Variants in LMBRD1 observed in about 807,000 individuals in gnomAD.
LMBRD1 encodes the protein LMBR1 domain containing 1.
Under a neutral mutation model 74.8 loss-of-function variants are expected in LMBRD1, and 64 were observed. That is an observed-to-expected ratio of 0.86 (90% CI 0.70 to 1.05). The LOEUF (loss-of-function observed/expected upper bound fraction) is 1.05. Among genes scored for constraint, LMBRD1 ranks in the 50% least tolerant of loss-of-function variants. The pLI is 0.00. For synonymous variants in LMBRD1, 204 were observed against 216.3 expected (o/e 0.94, Z 0.50); for missense variants, 652 against 645.9 (o/e 1.01, Z -0.10).
intron 6 of LMBRD1, among the ~76,000 whole-genome samples, chr6:69,739,500 C>G (rs1767051418): frequency 6.6e-6 from 1 of 151,986 alleles, no homozygotes; most frequent in Admixed American, 6.5e-5. Flanking sequence ...AAAGGAACTA[C>G]TAATACAAAT....
At chr6:69,722,795 T>C (rs1336588042) in intron 7 of LMBRD1, among the ~76,000 whole-genome samples, 2 of 151,890 alleles carry the variant, frequency 1.3e-5, no homozygotes, top group African/African-American at 4.8e-5. Flanking sequence ...GATCGTAAAA[T>C]AACCAGAATA....
chr6:69,779,497 T>C (rs1375080806), intron 3 of LMBRD1, among the ~76,000 whole-genome samples: 1 of 152,118 alleles, frequency 6.6e-6, no homozygotes, highest in Non-Finnish European at 1.5e-5. Flanking sequence ...ACCATAAGTC[T>C]GGGATTAAAA....
chr6:69,765,163 T>A (rs903895814), intron 3 of LMBRD1, among the ~76,000 whole-genome samples: 1 of 152,062 alleles, frequency 6.6e-6, no homozygotes, highest in Non-Finnish European at 1.5e-5. Flanking sequence ...ACTCCTGACC[T>A]CAAGTGATCT....
chr6:69,771,879 A>G (rs1209764784), intron 3 of LMBRD1, among the ~76,000 whole-genome samples: 2 of 152,186 alleles, frequency 1.3e-5, no homozygotes, highest in Non-Finnish European at 2.9e-5. Flanking sequence ...TAGCTAGAAA[A>G]AAAAAAGGTA....
At chr6:69,713,221 G>A (rs1582077350) in intron 9 of LMBRD1, among the ~76,000 whole-genome samples, 1 of 151,918 alleles carries the variant, frequency 6.6e-6, no homozygotes, top group African/African-American at 2.4e-5. Flanking sequence ...AAATGAACAC[G>A]CCAACAGAAT....
At position 69,752,240 on chromosome 6, in the gene LMBRD1, C is replaced by G. The variant is rs978543962; in HGVS notation, c.405+19G>C. 4.4e-6 allele frequency: 7 copies of G among 1,603,482 alleles called. No individual in the cohort carries two copies. Among genetic ancestry groups the G allele is most frequent in the East Asian group, 4.5e-5 (2 of 44,574 alleles). On this transcript the variant is annotated intron_variant, in intron 4 of 15. Transcript: ENST00000649934. ...ATTTTTCTTTCCTAAACTAAGGCCTCTAAAATAAAGATACTTACAGTACAT... is the reference window on the plus strand; with the variant it reads ...ATTTTTCTTTCCTAAACTAAGGCCTGTAAAATAAAGATACTTACAGTACAT...
intron 9 of LMBRD1, among the ~76,000 whole-genome samples, chr6:69,704,735 A>G (rs1017208386): frequency 7.9e-5 from 12 of 152,120 alleles, no homozygotes; most frequent in African/African-American, 2.7e-4. Flanking sequence ...TTAGGACTCT[A>G]TTTTCAATCC....
intron 9 of LMBRD1, among the ~76,000 whole-genome samples, chr6:69,703,242 G>T (rs1026988354): frequency 1.3e-5 from 2 of 151,642 alleles, no homozygotes; most frequent in African/African-American, 4.8e-5. Flanking sequence ...TTTTTCTACT[G>T]GATTCAGGCA....
chr6:69,780,445 G>C, intron 3 of LMBRD1, 49 bp downstream of exon 3: 1 of 1,337,424 alleles, frequency 7.5e-7, no homozygotes, highest in Non-Finnish European at 1.1e-6. Context: ...AGTCGTATCA[G>C]TATTTTGGTT....
chr6:69,742,349 T>A (rs1273403303), intron 5 of LMBRD1, among the ~76,000 whole-genome samples: 1 of 152,168 alleles, frequency 6.6e-6, no homozygotes, highest in Non-Finnish European at 1.5e-5. Flanking sequence ...ATTACTTTCT[T>A]ATTAGTATTT....
rs780994208 is a variant in LMBRD1 at position 69,676,250 on chromosome 6, C to T, written c.1531G>A (p.Val511Ile). Residue 511 changes from valine (V) to isoleucine (I), a missense_variant, in exon 16 of 16, where the codon GTA (valine) becomes ATA (isoleucine). This residue lies in a region of LMBRD1 where 51 missense variants were observed against 46.9 expected (regional missense o/e 1.09). Coordinates refer to ENST00000649934, the MANE Select transcript of LMBRD1 (RefSeq NM_018368.4). ...FLGVFLIGLI[V>I]SCCKGKKSVI... ...GATTTCTTCCCTTTACAACAGGATACAATTAATCCAATCAAAAATACCTGT... is the reference window on the plus strand; with the variant it reads ...GATTTCTTCCCTTTACAACAGGATATAATTAATCCAATCAAAAATACCTGT... The T allele has an allele frequency of 5.6e-6, 9 of 1,612,966 alleles. No individual in the cohort carries two copies. Among genetic ancestry groups the T allele is most frequent in the Non-Finnish European group, 6.8e-6 (8 of 1,179,564 alleles).
chr6:69,711,368 T>C (rs1427832708), intron 9 of LMBRD1, among the ~76,000 whole-genome samples: 1 of 152,180 alleles, frequency 6.6e-6, no homozygotes, highest in Non-Finnish European at 1.5e-5. Flanking sequence ...GTGATGTGGA[T>C]GCCCTATCTA....
At chr6:69,770,981 G>A (rs1210594290) in intron 3 of LMBRD1, among the ~76,000 whole-genome samples, 2 of 152,016 alleles carry the variant, frequency 1.3e-5, no homozygotes, top group African/African-American at 4.8e-5. Flanking sequence ...TAAAGCAAAG[G>A]GTCTAAGGTA....
At chr6:69,712,440 GTT>G (rs34463374) in intron 9 of LMBRD1, among the ~76,000 whole-genome samples, 5 of 109,430 alleles carry the variant, frequency 4.6e-5, no homozygotes, top group East Asian at 3.2e-4. Context: ...GAGTTCCTAT[GTT>G]TTTTTTTTTT....
chr6:69,766,654 G>A lies in LMBRD1; in HGVS notation c.307+13840C>T, dbSNP rs548544733. ...TGATTTTGGTATGAAGGAAATAATG[G>A]CCTCAAGTGAGTTGGGAAGTGTTCC... On this transcript the variant is annotated intron_variant, in intron 3 of 15. Coordinates refer to ENST00000649934, the MANE Select transcript of LMBRD1 (RefSeq NM_018368.4). 3.3e-5 allele frequency among the ~76,000 whole-genome samples: 5 copies of A among 151,816 alleles called. No individual in the cohort carries two copies. In the South Asian group the frequency reaches 1.0e-3, roughly 31 times the overall value.
intron 5 of LMBRD1, among the ~76,000 whole-genome samples, chr6:69,748,254 C>T (rs1443834121): frequency 6.6e-6 from 1 of 152,142 alleles, no homozygotes; most frequent in Non-Finnish European, 1.5e-5. Context: ...TTTGCTGATT[C>T]CCGCTCCAGA....
chr6:69,744,172 T>C (rs1167396063), intron 5 of LMBRD1, among the ~76,000 whole-genome samples: 7 of 152,260 alleles, frequency 4.6e-5, no homozygotes, highest in Admixed American at 2.6e-4. Context: ...TAGAATACAA[T>C]GGGATTTGTG....
At chr6:69,701,712 A>G (rs975116223) in intron 10 of LMBRD1, among the ~76,000 whole-genome samples, 167 bp from the exon 11 acceptor site, 3 of 151,958 alleles carry the variant, frequency 2.0e-5, no homozygotes, top group African/African-American at 7.2e-5. Flanking sequence ...TTGATGGAGA[A>G]TAAAGAAACA....
chr6:69,773,315 A>C (rs1439130123), intron 3 of LMBRD1, among the ~76,000 whole-genome samples: 2 of 152,276 alleles, frequency 1.3e-5, no homozygotes, highest in African/African-American at 4.8e-5. Context: ...CAGTTCCTTC[A>C]TCTTGAACTT....
Sources: allele counts gnomAD v4.1 joint callset (sites outside exome capture counted in the v4.1 genomes callset), GRCh38; gene constraint gnomAD v4.1.1; regional missense constraint gnomAD v4.1.1; transcripts MANE v1.5; gene names NCBI Gene and HGNC (gene_info 2026-07-23, HGNC 2026-07-21).